The following LRRC9 variants were observed in gnomAD, a reference collection of about 807,000 sequenced individuals.
LRRC9 encodes the protein leucine-rich repeat-containing protein 9.
In LRRC9, 122 loss-of-function variants were observed where a neutral mutation model predicts 63.2. That is an observed-to-expected ratio of 1.93 (90% confidence interval 1.67 to 2.24). The LOEUF (loss-of-function observed/expected upper bound fraction) is 2.24, where lower values mean the gene tolerates loss of function less well. LRRC9 is among the 30% of genes most tolerant of loss of function. The pLI, the probability that LRRC9 is intolerant of heterozygous loss-of-function variation, is 0.00. For missense variants in LRRC9, 1,071 were observed against 627.7 expected (o/e 1.71, Z -7.55); for synonymous variants, 366 against 213.1 (o/e 1.72, Z -6.25).
At position 59,970,401 on chromosome 14, in the gene LRRC9, C is replaced by T. The variant is rs1195344714; in HGVS notation, c.1506+3188C>T. On this transcript the variant is annotated intron_variant, in intron 12 of 31. Coordinates refer to ENST00000445360, the Ensembl canonical transcript of LRRC9. ...AGTTTGCAATGAACCTATGTATGCA[C>T]GTGTCTTTATGATAGAACGATTTAT... 1.2e-4 allele frequency among the ~76,000 whole-genome samples: 18 copies of T among 151,958 alleles called. 1 individual carries two copies. The highest frequency in any genetic ancestry group is 2.7e-4 in the African/African-American group (11 of 41,396).
chr14:59,975,403 T>C (rs1886163543), intron 13 of LRRC9, among the ~76,000 whole-genome samples: 2 of 151,770 alleles, frequency 1.3e-5, no homozygotes, highest in African/African-American at 4.8e-5. Flanking sequence ...TAAGATAATT[T>C]TTTGATAATT....
chr14:60,011,803 G>A (rs1890278792), intron 23 of LRRC9, among the ~76,000 whole-genome samples: 1 of 152,170 alleles, frequency 6.6e-6, no homozygotes, highest in South Asian at 2.1e-4. Flanking sequence ...CACCATAACA[G>A]AATATGAATA....
rs1014958932 is a variant in LRRC9, at chr14:60,027,274, G to A, written c.3704-610G>A. Reference sequence around the variant, plus strand: ...AATACTGTACATATAAAAGCATTTTGTAAATTGGAGAGTCTTCATATAAGT... The same window carrying A: ...AATACTGTACATATAAAAGCATTTTATAAATTGGAGAGTCTTCATATAAGT... On this transcript the variant is annotated intron_variant, in intron 27 of 31. Coordinates refer to ENST00000445360, the Ensembl canonical transcript of LRRC9. The surrounding 1 kb of genome is among the most constrained non-coding windows in gnomAD (Gnocchi z 4.0). 5.3e-5 allele frequency among the ~76,000 whole-genome samples: 8 copies of A among 151,918 alleles called. No individual in the cohort carries two copies. Among genetic ancestry groups the A allele is most frequent in the Non-Finnish European group, 1.2e-4 (8 of 67,920 alleles).
At chr14:59,967,104 G>A (rs151094577) in exon 12 of LRRC9, 5 of 639,530 alleles carry the variant, frequency 7.8e-6, no homozygotes, top group East Asian at 5.5e-5. Flanking sequence ...AGGAGCTACC[G>A]AAGGATGCTG....
rs929293154 is a variant in LRRC9 at position 60,047,724 on chromosome 14, T to C, written c.3991-5341T>C. On this transcript the variant is annotated intron_variant, in intron 29 of 31. Coordinates refer to ENST00000445360, the Ensembl canonical transcript of LRRC9. ...AGATTTTAACACTCCACTGACAGTATTAGACAGATCATTGAGACAGAAAAT... is the reference window on the plus strand; with the variant it reads ...AGATTTTAACACTCCACTGACAGTACTAGACAGATCATTGAGACAGAAAAT... Among the ~76,000 whole-genome samples, 15 of 152,250 alleles carry C rather than the reference T, an allele frequency of 9.9e-5. 1 individual carries two copies. Among genetic ancestry groups the C allele is most frequent in the Admixed American group, 6.5e-4 (10 of 15,288 alleles).
intron 31 of LRRC9, among the ~76,000 whole-genome samples, chr14:60,062,506 A>G (rs1894716436): frequency 6.6e-6 from 1 of 152,196 alleles, no homozygotes; most frequent in South Asian, 2.1e-4. Context: ...CTACCAACTC[A>G]CTCTACTCAC....
At chr14:60,049,168 A>G (rs1424744964) in intron 29 of LRRC9, among the ~76,000 whole-genome samples, 1 of 151,992 alleles carries the variant, frequency 6.6e-6, no homozygotes, top group Non-Finnish European at 1.5e-5. Context: ...CAATCTCCCA[A>G]CCAATATCAT....
At chr14:59,976,344 T>C (rs1886283615) in intron 13 of LRRC9, among the ~76,000 whole-genome samples, 1 of 152,210 alleles carries the variant, frequency 6.6e-6, no homozygotes, top group Admixed American at 6.5e-5. Flanking sequence ...AACCAGTCCC[T>C]GGTGCCAAAA....
chr14:60,054,530 G>C (rs1219623922), intron 30 of LRRC9, among the ~76,000 whole-genome samples: 1 of 152,066 alleles, frequency 6.6e-6, no homozygotes, highest in African/African-American at 2.4e-5. Flanking sequence ...ACAGATTATT[G>C]TGTTCAGATT....
intron 10 of LRRC9, among the ~76,000 whole-genome samples, chr14:59,965,888 A>G (rs1392118875): frequency 1.4e-5 from 1 of 71,548 alleles, no homozygotes; most frequent in Middle Eastern, 7.8e-3. Flanking sequence ...GCCTCAAAAA[A>G]AAAAAAAAAA....
intron 23 of LRRC9, among the ~76,000 whole-genome samples, chr14:60,009,644 C>G (rs1890097632): frequency 6.6e-6 from 1 of 152,110 alleles, no homozygotes; most frequent in African/African-American, 2.4e-5. Context: ...CCCAATGGTC[C>G]CCCAACTCAG....
chr14:60,006,644 GT>G (rs1293285231), intron 22 of LRRC9, 27 bp downstream of exon 22: 1 of 575,198 alleles, frequency 1.7e-6, no homozygotes, highest in East Asian at 3.0e-5. Context: ...TAATTTTTTT[GT>G]TTTTTAACAT....
intron 29 of LRRC9, among the ~76,000 whole-genome samples, chr14:60,048,110 A>T (rs1893585223): frequency 6.6e-6 from 1 of 152,230 alleles, no homozygotes; most frequent in South Asian, 2.1e-4. Context: ...ACAAAGAGAC[A>T]ATGTATCAGA....
In LRRC9 at chr14:59,938,510, C is replaced by T. The variant is rs570780596; in HGVS notation, c.664C>T (p.Pro222Ser). ...TTCCACACATGTATTATATCATTTG[C>T]CTTGCCTTCAAAGATTTGACACATT... is the stretch of plus-strand genomic sequence containing the variant. The change falls in exon 7 of 32, where the codon CCT (proline) becomes TCT (serine). Residue 222 changes from proline (P) to serine (S), a missense_variant. Pro to Ser is a moderately conservative substitution (Grantham distance 74, BLOSUM62 -1). Coordinates refer to ENST00000445360, the Ensembl canonical transcript of LRRC9. The surrounding 1 kb of genome is among the most constrained non-coding windows in gnomAD (Gnocchi z 4.2). 2.9e-6 allele frequency: 2 copies of T among 696,840 alleles called. No homozygotes were observed. The highest frequency in any genetic ancestry group is 2.6e-6 in the Non-Finnish European group (1 of 382,258). 43.2% of individuals were successfully genotyped at this position (696,840 alleles called of 1,614,324 possible). A position where few individuals can be genotyped will look rare whatever the true frequency, so the allele number is the denominator to read the frequency against.
chr14:60,048,511 C>A (rs955489570), intron 29 of LRRC9, among the ~76,000 whole-genome samples: 3 of 152,104 alleles, frequency 2.0e-5, no homozygotes, highest in African/African-American at 7.2e-5. Context: ...ACTATAAACA[C>A]CTCTATGCAC....
intron 12 of LRRC9, among the ~76,000 whole-genome samples, chr14:59,970,597 T>C (rs1339620183): frequency 6.6e-6 from 1 of 152,176 alleles, no homozygotes; most frequent in Non-Finnish European, 1.5e-5. Flanking sequence ...GCCTCTGTTA[T>C]TTTTTGACTT....
chr14:59,992,472 G>C (rs532929690), intron 17 of LRRC9, among the ~76,000 whole-genome samples: 1 of 152,220 alleles, frequency 6.6e-6, no homozygotes, highest in Non-Finnish European at 1.5e-5. Flanking sequence ...GAATGACTTT[G>C]ATGAGTTGAG....
At chr14:60,007,799 G>T (rs1475480639) in intron 22 of LRRC9, among the ~76,000 whole-genome samples, 5 of 151,998 alleles carry the variant, frequency 3.3e-5, no homozygotes, top group African/African-American at 9.7e-5. Context: ...CTGAGGCTGG[G>T]CGTGGTGGCT....
intron 29 of LRRC9, among the ~76,000 whole-genome samples, chr14:60,041,802 TTC>T (rs1257844851): frequency 1.3e-5 from 2 of 152,238 alleles, no homozygotes; most frequent in African/African-American, 2.4e-5. Flanking sequence ...AGGAGCTGCA[TTC>T]CTTTGGAGGA....
Sources: gnomAD v4.1 joint callset for allele counts (sites outside exome capture counted in the v4.1 genomes callset) on GRCh38, gnomAD v4.1.1 for gene constraint, Gnocchi (gnomAD v3.1) non-coding constraint, MANE v1.5 for transcripts, NCBI Gene and HGNC (gene_info 2026-07-23, HGNC 2026-07-21) for gene names.